Variants in PLCB4 observed in about 807,000 individuals in gnomAD.
The protein encoded by PLCB4 is phospholipase C beta 4.
A neutral mutation model predicts 178.8 loss-of-function variants in PLCB4; 77 were observed. That is an observed-to-expected ratio of 0.43 (90% CI 0.36 to 0.52). The LOEUF (loss-of-function observed/expected upper bound fraction) is 0.52, where lower values mean the gene tolerates loss of function less well. Ranked by LOEUF, PLCB4 falls within the 20% of genes least tolerant of loss-of-function variation. The pLI is 0.00. For missense variants in PLCB4, 1,024 were observed against 1,453.4 expected, an observed-to-expected ratio of 0.70 and a Z score of 4.80; for synonymous variants, 496 against 490.8, an observed-to-expected ratio of 1.01 and a Z score of -0.14.
intron 9 of PLCB4, 26 bp downstream of exon 9, chr20:9,365,540 C>T (rs758486029): frequency 1.1e-5 from 17 of 1,490,544 alleles, no homozygotes; most frequent in Non-Finnish European, 1.5e-5. Flanking sequence ...TATCTGCTGT[C>T]CGTGTCCCGG....
At chr20:9,263,658 C>G (rs1389433546) in intron 3 of PLCB4, among the ~76,000 whole-genome samples, 1 of 152,188 alleles carries the variant, frequency 6.6e-6, no homozygotes, top group Non-Finnish European at 1.5e-5. Context: ...CTCCTTTTAT[C>G]TGGCAGCTAA....
intron 2 of PLCB4, among the ~76,000 whole-genome samples, chr20:9,214,081 C>T (rs917720537): frequency 5.9e-5 from 9 of 152,052 alleles, no homozygotes; most frequent in South Asian, 4.1e-4. Flanking sequence ...ACTTTTTTGA[C>T]GGTGTACTTT....
At chr20:9,354,330 T>A (rs1029582454) in intron 7 of PLCB4, among the ~76,000 whole-genome samples, 1 of 152,232 alleles carries the variant, frequency 6.6e-6, no homozygotes, top group African/African-American at 2.4e-5. Context: ...AAATTATAGC[T>A]CAATAAAATT....
At chr20:9,404,279 G>A (rs892479256) in intron 20 of PLCB4, among the ~76,000 whole-genome samples, 2 of 152,168 alleles carry the variant, frequency 1.3e-5, no homozygotes, top group East Asian at 3.9e-4. Flanking sequence ...GACAGTGGAT[G>A]AAGATGCAGG....
intron 2 of PLCB4, among the ~76,000 whole-genome samples, chr20:9,136,103 A>G (rs377239088): frequency 1.8e-4 from 27 of 152,302 alleles, no homozygotes; most frequent in African/African-American, 6.5e-4. Context: ...TGTAGGCAGC[A>G]TTTCTTATAC....
In PLCB4 at chr20:9,465,313, C is replaced by T. The variant is rs182101235; in HGVS notation, c.3249-3258C>T. On this transcript the variant is annotated intron_variant, in intron 35 of 39. Coordinates refer to ENST00000378473, the MANE Select transcript of PLCB4 (RefSeq NM_001377142.1). ...TTAATAAGAGCTATTTATGACAAAC[C>T]CACAGCCAATGTCATACTGAATGGG... is the stretch of plus-strand genomic sequence containing the variant. Among the ~76,000 whole-genome samples the T allele has an allele frequency of 3.3e-3, 498 of 152,204 alleles. 1 individual carries two copies. The highest frequency in any genetic ancestry group is 5.6e-3 in the South Asian group (27 of 4,808).
chr20:9,118,979 T>A (rs933956084), intron 2 of PLCB4, among the ~76,000 whole-genome samples: 2 of 152,210 alleles, frequency 1.3e-5, no homozygotes, highest in African/African-American at 4.8e-5. Flanking sequence ...ATCGGAAGTC[T>A]GGTGAGTTGA....
At chr20:9,418,880 T>C (rs2040435535) in intron 25 of PLCB4, among the ~76,000 whole-genome samples, 1 of 142,100 alleles carries the variant, frequency 7.0e-6, no homozygotes, top group Non-Finnish European at 1.5e-5. Flanking sequence ...TAGACACTTA[T>C]TTTTTTTAAA....
chr20:9,375,879 A>G (rs948928446), intron 12 of PLCB4, among the ~76,000 whole-genome samples: 16 of 152,312 alleles, frequency 1.1e-4, no homozygotes, highest in Middle Eastern at 3.4e-3. Context: ...GGTAGAATAG[A>G]TAGTAGGAAA....
intron 2 of PLCB4, among the ~76,000 whole-genome samples, chr20:9,148,181 T>C (rs980801410): frequency 6.6e-6 from 1 of 152,102 alleles, no homozygotes; most frequent in African/African-American, 2.4e-5. Context: ...CCAGAGAGGT[T>C]AATTGGGCTC....
chr20:9,090,682 T>C (rs2090641960), intron 1 of PLCB4, among the ~76,000 whole-genome samples: 1 of 152,178 alleles, frequency 6.6e-6, no homozygotes, highest in South Asian at 2.1e-4. Context: ...TCTCTGCACG[T>C]TCATCACAGA....
rs144506021 is a variant in PLCB4, at chr20:9,221,195, G to C, written c.-16+3743G>C. 6.6e-5 allele frequency among the ~76,000 whole-genome samples: 10 copies of C among 152,206 alleles called. No individual in the cohort carries two copies. In the East Asian group the frequency reaches 1.4e-3, roughly 21 times the overall value. The stretch of plus-strand genomic sequence containing the variant: ...CAGCCTGATCCTGGGGGCAGAGTTG[G>C]GGGGTGCAGTGGGCCGCTCTGGAAC... On this transcript the variant is annotated intron_variant, in intron 3 of 39. Transcript: ENST00000378473.
rs2091222678 is a variant in PLCB4 at position 9,102,953 on chromosome 20, C to T, written c.-79+6611C>T. On this transcript the variant is annotated intron_variant, in intron 2 of 39. Coordinates refer to ENST00000378473, the MANE Select transcript of PLCB4 (RefSeq NM_001377142.1). ...ATGAAGGCAATGATGACAATTAAGT[C>T]TAGGACTTGTAGGAACCACATATAC... 2.6e-5 allele frequency among the ~76,000 whole-genome samples: 4 copies of T among 151,972 alleles called. 1 individual carries two copies.
intron 8 of PLCB4, among the ~76,000 whole-genome samples, chr20:9,363,342 T>C (rs1008452714): frequency 5.9e-5 from 9 of 152,154 alleles, no homozygotes; most frequent in Non-Finnish European, 1.0e-4. Context: ...TATCCTCTGC[T>C]GCATAAAACT....
chr20:9,169,561 C>T (rs1431694184), intron 2 of PLCB4, among the ~76,000 whole-genome samples: 6 of 151,434 alleles, frequency 4.0e-5, no homozygotes, highest in Admixed American at 4.0e-4. Context: ...TGCGCTCCAG[C>T]CTGGGTGACG....
intron 4 of PLCB4, among the ~76,000 whole-genome samples, chr20:9,334,927 T>C (rs947390400): frequency 1.3e-5 from 2 of 152,036 alleles, no homozygotes; most frequent in African/African-American, 2.4e-5. Context: ...GAATTTTGTA[T>C]TTAAGGAGGC....
chr20:9,442,857 A>T (rs970921316), intron 30 of PLCB4, among the ~76,000 whole-genome samples: 3 of 152,138 alleles, frequency 2.0e-5, no homozygotes, highest in Non-Finnish European at 2.9e-5. Context: ...CGGCCTGACC[A>T]CCCTATCATT....
intron 7 of PLCB4, among the ~76,000 whole-genome samples, chr20:9,346,476 G>A (rs1305704900): frequency 6.6e-6 from 1 of 152,186 alleles, no homozygotes; most frequent in Non-Finnish European, 1.5e-5. Context: ...CCAAACCCCA[G>A]TATACTAATT....
chr20:9,325,925 C>T (rs761606615), intron 4 of PLCB4, among the ~76,000 whole-genome samples: 2 of 152,176 alleles, frequency 1.3e-5, no homozygotes, highest in Non-Finnish European at 2.9e-5. Context: ...CTGGAGGCTG[C>T]GATGCTTAAC....
Sources: allele counts gnomAD v4.1 joint callset (sites outside exome capture counted in the v4.1 genomes callset), GRCh38; gene constraint gnomAD v4.1.1; transcripts MANE v1.5; gene names NCBI Gene and HGNC (gene_info 2026-07-23, HGNC 2026-07-21).